Variants in DMD observed in about 807,000 individuals in gnomAD.
The protein encoded by DMD is dystrophin.
Under a neutral mutation model 330.1 loss-of-function variants are expected in DMD, and 63 were observed. The ratio of observed to expected loss-of-function variants is 0.19; its 90% confidence interval spans 0.16 to 0.24. The LOEUF (loss-of-function observed/expected upper bound fraction) is 0.24. DMD is among the 10% of genes least tolerant of loss of function. DMD has a pLI of 1.00. For synonymous variants in DMD, 1,223 were observed against 959.8 expected (o/e 1.27, Z -5.07); for missense variants, 3,344 against 2,684.1 (o/e 1.25, Z -5.43).
chrX:31,683,257 T>A (rs1389898166), intron 52 of DMD, among the ~76,000 whole-genome samples: 1 of 112,299 alleles, frequency 8.9e-6, no homozygotes, highest in Non-Finnish European at 1.9e-5. Flanking sequence ...AGTCTCTATT[T>A]TATTTACCAT....
At chrX:31,881,160 T>C (rs2094057338) in intron 47 of DMD, among the ~76,000 whole-genome samples, 1 of 111,545 alleles carries the variant, frequency 9.0e-6, no homozygotes, top group South Asian at 3.8e-4. Context: ...GTTCAACGTG[T>C]TCATGTTTTA....
At chrX:31,502,631 T>C (rs1472935167) in intron 56 of DMD, among the ~76,000 whole-genome samples, 1 of 111,609 alleles carries the variant, frequency 9.0e-6, no homozygotes, top group East Asian at 2.8e-4. Flanking sequence ...CTGCCAAATA[T>C]AAAAATCTCA....
At chrX:32,314,872 A>C (rs2097577698) in intron 41 of DMD, among the ~76,000 whole-genome samples, 1 of 111,813 alleles carries the variant, frequency 8.9e-6, no homozygotes, top group African/African-American at 3.2e-5. Context: ...GGCGATCATT[A>C]AAAAGTCAGG....
intron 55 of DMD, among the ~76,000 whole-genome samples, chrX:31,602,034 A>G (rs1044622927): frequency 8.9e-6 from 1 of 111,876 alleles, no homozygotes; most frequent in Non-Finnish European, 1.9e-5. Flanking sequence ...TTTTATAGAA[A>G]TGGCTTCTGT....
chrX:31,500,599 T>C (rs2070336461), intron 56 of DMD, among the ~76,000 whole-genome samples: 2 of 112,444 alleles, frequency 1.8e-5, no homozygotes. Context: ...TGAGTGTATA[T>C]ACCAGATATT....
chrX:31,854,915 C>T (rs919994905), intron 48 of DMD, among the ~76,000 whole-genome samples: 1 of 111,275 alleles, frequency 9.0e-6, no homozygotes, highest in Non-Finnish European at 1.9e-5. Flanking sequence ...GCACTTTCTC[C>T]TCCCCCATGT....
chrX:31,325,365 T>A (rs1267509415), intron 61 of DMD, among the ~76,000 whole-genome samples: 1 of 104,295 alleles, frequency 9.6e-6, no homozygotes, highest in East Asian at 3.0e-4. Flanking sequence ...TTTGGGAGGC[T>A]GAGGCAGGCA....
chrX:32,439,077 T>C (rs2098271934), intron 28 of DMD, among the ~76,000 whole-genome samples: 2 of 111,840 alleles, frequency 1.8e-5, no homozygotes, highest in African/African-American at 3.2e-5. Context: ...GATAATATGA[T>C]GAAAGTGAAT....
chrX:32,650,175 C>T (rs1331445589), intron 9 of DMD, among the ~76,000 whole-genome samples: 1 of 111,821 alleles, frequency 8.9e-6, no homozygotes, highest in Non-Finnish European at 1.9e-5. Flanking sequence ...TATGAGAGGG[C>T]ACAGTCTATC....
intron 44 of DMD, among the ~76,000 whole-genome samples, chrX:32,194,313 T>G (rs1412966615): frequency 8.9e-6 from 1 of 111,860 alleles, no homozygotes; most frequent in Non-Finnish European, 1.9e-5. Flanking sequence ...ATAGACAACA[T>G]TTCCATTACC....
intron 4 of DMD, among the ~76,000 whole-genome samples, chrX:32,827,207 A>T (rs1217785099): frequency 9.1e-6 from 1 of 110,470 alleles, no homozygotes; most frequent in Non-Finnish European, 1.9e-5. Context: ...GGGGTAAGAA[A>T]AAGGAAGTAA....
intron 32 of DMD, among the ~76,000 whole-genome samples, chrX:32,386,726 T>C (rs1305813036): frequency 1.3e-5 from 1 of 74,676 alleles, no homozygotes; most frequent in East Asian, 8.4e-4. Flanking sequence ...ATATGTGTTT[T>C]GTGATATATA....
chrX:32,365,166 G>A lies in DMD; in HGVS notation c.4879C>T (p.His1627Tyr). 8.3e-7 allele frequency: 1 copy of A among 1,210,730 alleles called. No individual in the cohort carries two copies. Reference sequence around the variant, plus strand: ...CCTACCTCTGTGATACTCTTCAGGTGCACCTTCTGTTTCTCAATCTCTTTT... The same window carrying A: ...CCTACCTCTGTGATACTCTTCAGGTACACCTTCTGTTTCTCAATCTCTTTT... ...TQKEIEKQKV[H>Y]LKSITEVGEA... Residue 1627 changes from histidine to tyrosine, a missense_variant, in exon 35 of 79, where the codon CAC becomes TAC. Physicochemically the swap from His to Tyr is moderately conservative, Grantham distance 83. Coordinates refer to ENST00000357033, the MANE Select transcript of DMD (RefSeq NM_004006.3).
At chrX:31,907,883 C>A (rs1330875764) in intron 47 of DMD, among the ~76,000 whole-genome samples, 4 of 112,475 alleles carry the variant, frequency 3.6e-5, no homozygotes, top group Non-Finnish European at 7.5e-5. Flanking sequence ...AAAAAACCAA[C>A]CTCATCGAAA....
chrX:32,662,180 A>G (rs966243330), intron 9 of DMD, among the ~76,000 whole-genome samples: 1 of 111,807 alleles, frequency 8.9e-6, no homozygotes, highest in Non-Finnish European at 1.9e-5. Context: ...TACATATTCT[A>G]TTTGGAAGTT....
chrX:32,619,656 T>C (rs747975217), intron 11 of DMD, among the ~76,000 whole-genome samples: 10 of 111,755 alleles, frequency 8.9e-5, no homozygotes, highest in African/African-American at 2.9e-4. Context: ...AAAAGTTGGG[T>C]CTGTTGAGTG....
intron 55 of DMD, among the ~76,000 whole-genome samples, chrX:31,624,262 C>T (rs1050447875): frequency 9.0e-6 from 1 of 111,553 alleles, no homozygotes; most frequent in African/African-American, 3.3e-5. Context: ...AAGAAACACC[C>T]CCTTATCCTG....
At chrX:32,657,011 ATGTGTGTGTG>A (rs57052299) in intron 9 of DMD, among the ~76,000 whole-genome samples, 3 of 100,791 alleles carry the variant, frequency 3.0e-5, no homozygotes, top group East Asian at 3.0e-4. Context: ...ACCAACTTAT[ATGTGTGTGTG>A]TGTGTGTGTG....
chrX:31,223,271 G>A, intron 63 of DMD, 150 bp from the exon 64 acceptor site: 1 of 524,291 alleles, frequency 1.9e-6, no homozygotes, highest in East Asian at 3.6e-5. Flanking sequence ...TTTCGGAGGT[G>A]AAAATTCTGT....
Sources: gnomAD v4.1 joint callset for allele counts (sites outside exome capture counted in the v4.1 genomes callset) on GRCh38, gnomAD v4.1.1 for gene constraint, MANE v1.5 for transcripts, NCBI Gene and HGNC (gene_info 2026-07-23, HGNC 2026-07-21) for gene names.